Variants in GRIK2 observed in about 807,000 individuals in gnomAD.
The protein encoded by GRIK2 is glutamate receptor ionotropic, kainate 2.
In GRIK2, 32 loss-of-function variants were observed where a neutral mutation model predicts 100.3. The observed-to-expected ratio is 0.32, with a 90% confidence interval of 0.24 to 0.43. The LOEUF (loss-of-function observed/expected upper bound fraction) is 0.43, where lower values mean the gene tolerates loss of function less well. Ranked by LOEUF, GRIK2 falls within the 20% of genes least tolerant of loss-of-function variation. The pLI is 1.00. For missense variants in GRIK2, 843 were observed against 1,114.9 expected (o/e 0.76, Z 3.47); for synonymous variants, 417 against 389.4 (o/e 1.07, Z -0.83).
intron 10 of GRIK2, among the ~76,000 whole-genome samples, chr6:101,829,883 A>G (rs1014078345): frequency 6.6e-6 from 1 of 152,018 alleles, no homozygotes; most frequent in Admixed American, 6.6e-5. Flanking sequence ...TAATCCTGTC[A>G]AATTACCAAT....
intron 7 of GRIK2, among the ~76,000 whole-genome samples, chr6:101,731,218 G>C (rs1305590434): frequency 6.6e-6 from 1 of 151,824 alleles, no homozygotes; most frequent in Non-Finnish European, 1.5e-5. Flanking sequence ...CCCTAACCCA[G>C]TTGCTAAAGA....
chr6:101,746,769 A>G (rs1053010178), intron 7 of GRIK2, among the ~76,000 whole-genome samples: 1 of 152,024 alleles, frequency 6.6e-6, no homozygotes, highest in African/African-American at 2.4e-5. Flanking sequence ...TTGTAAATAC[A>G]TATGTGCATA....
chr6:101,792,114 A>G (rs938240132), intron 7 of GRIK2, among the ~76,000 whole-genome samples: 2 of 151,658 alleles, frequency 1.3e-5, no homozygotes, highest in Non-Finnish European at 2.9e-5. Flanking sequence ...TGCACGTGAG[A>G]TGGGTTTCCT....
intron 2 of GRIK2, among the ~76,000 whole-genome samples, chr6:101,594,608 T>G (rs949960373): frequency 6.6e-6 from 1 of 151,842 alleles, no homozygotes; most frequent in African/African-American, 2.4e-5. Context: ...AATAAAGATA[T>G]AAGAAAATCC....
In GRIK2 at chr6:101,644,169, A is replaced by G. The variant is rs1416526039; in HGVS notation, c.541+17532A>G. On this transcript the variant is annotated intron_variant, in intron 4 of 16. Coordinates refer to ENST00000369134, the MANE Select transcript of GRIK2 (RefSeq NM_021956.5). ...ACTTAAACACTAGTGTTACAAATAA[A>G]TTACAGTACAGTATGATAAATGCTA... Among the ~76,000 whole-genome samples, 3 of 151,870 alleles carry G rather than the reference A, an allele frequency of 2.0e-5. No individual in the cohort carries two copies. In the East Asian group the frequency reaches 5.8e-4, roughly 29 times the overall value.
chr6:101,449,984 G>A (rs1362849872), intron 2 of GRIK2, among the ~76,000 whole-genome samples: 2 of 151,532 alleles, frequency 1.3e-5, no homozygotes, highest in African/African-American at 2.4e-5. Flanking sequence ...ATCATGACTT[G>A]TTCACTCTTT....
chr6:101,790,161 ATTTGAC>A (rs1779738418), intron 7 of GRIK2, among the ~76,000 whole-genome samples: 1 of 152,152 alleles, frequency 6.6e-6, no homozygotes, highest in South Asian at 2.1e-4. Context: ...AACAAGGACA[ATTTGAC>A]TTCCTCTTTT....
intron 14 of GRIK2, among the ~76,000 whole-genome samples, chr6:102,020,709 T>C (rs1769380682): frequency 6.6e-6 from 1 of 151,966 alleles, no homozygotes; most frequent in South Asian, 2.1e-4. Flanking sequence ...CAGAGAATAT[T>C]TGTCAATAGC....
At chr6:102,033,557 G>C (rs1770111950) in intron 14 of GRIK2, among the ~76,000 whole-genome samples, 1 of 151,270 alleles carries the variant, frequency 6.6e-6, no homozygotes, top group African/African-American at 2.4e-5. Context: ...ATCTAGAACT[G>C]ACTATCTCTG....
At chr6:101,424,369 T>A (rs1776584523) in intron 2 of GRIK2, among the ~76,000 whole-genome samples, 1 of 150,694 alleles carries the variant, frequency 6.6e-6, no homozygotes, top group African/African-American at 2.4e-5. Flanking sequence ...CATTCCTCTG[T>A]CCATGTGTTC....
At chr6:101,740,092 A>G (rs529098874) in intron 7 of GRIK2, among the ~76,000 whole-genome samples, 1 of 152,192 alleles carries the variant, frequency 6.6e-6, no homozygotes. Context: ...TTGAGAATTC[A>G]TGTTTGACTC....
At chr6:101,465,008 C>A (rs1562157275) in intron 2 of GRIK2, among the ~76,000 whole-genome samples, 1 of 152,154 alleles carries the variant, frequency 6.6e-6, no homozygotes, top group Non-Finnish European at 1.5e-5. Context: ...ATCTGCACCA[C>A]TCCCTTTAAT....
chr6:101,548,377 A>G (rs1343638431), intron 2 of GRIK2, among the ~76,000 whole-genome samples: 1 of 152,142 alleles, frequency 6.6e-6, no homozygotes, highest in East Asian at 1.9e-4. Flanking sequence ...TTGGTGTTTT[A>G]GACCTGAAGT....
chr6:101,794,936 G>T (rs964368932), intron 7 of GRIK2, among the ~76,000 whole-genome samples: 4 of 151,320 alleles, frequency 2.6e-5, no homozygotes, highest in Non-Finnish European at 4.4e-5. Flanking sequence ...CGCCATCTTG[G>T]CTGACTGCAA....
intron 2 of GRIK2, among the ~76,000 whole-genome samples, chr6:101,571,764 C>A (rs1217833283): frequency 6.6e-6 from 1 of 151,768 alleles, no homozygotes; most frequent in Non-Finnish European, 1.5e-5. Context: ...TAGGGAACTA[C>A]CAAAATCAAT....
chr6:101,929,903 C>T (rs750571430), intron 14 of GRIK2, among the ~76,000 whole-genome samples: 2 of 152,006 alleles, frequency 1.3e-5, no homozygotes, highest in Non-Finnish European at 2.9e-5. Context: ...ATTGAATAAT[C>T]AAATATAAGC....
chr6:101,939,513 T>A (rs1293682912), intron 14 of GRIK2, among the ~76,000 whole-genome samples: 1 of 152,108 alleles, frequency 6.6e-6, no homozygotes, highest in Non-Finnish European at 1.5e-5. Context: ...CTCAGTTGCA[T>A]TCTCATTTCA....
At chr6:101,485,718 A>G (rs1049969751) in intron 2 of GRIK2, among the ~76,000 whole-genome samples, 1 of 152,180 alleles carries the variant, frequency 6.6e-6, no homozygotes, top group African/African-American at 2.4e-5. Context: ...AGATGAATAT[A>G]AAATGAAAGT....
chr6:101,500,563 CTAAT>C (rs1483249985), intron 2 of GRIK2, among the ~76,000 whole-genome samples: 2 of 151,982 alleles, frequency 1.3e-5, no homozygotes, highest in East Asian at 1.9e-4. Context: ...TTTTCGGTCT[CTAAT>C]TATTAATAAA....
Sources: gnomAD v4.1 joint callset for allele counts (sites outside exome capture counted in the v4.1 genomes callset) on GRCh38, gnomAD v4.1.1 for gene constraint, MANE v1.5 for transcripts, NCBI Gene and HGNC (gene_info 2026-07-23, HGNC 2026-07-21) for gene names.